The following CTNNA1 variants were observed in gnomAD, a reference collection of about 807,000 sequenced individuals.
CTNNA1 encodes catenin alpha-1.
A neutral mutation model predicts 98.4 loss-of-function variants in CTNNA1; 37 were observed. The ratio of observed to expected loss-of-function variants is 0.38; its 90% confidence interval spans 0.29 to 0.49. The LOEUF is 0.49. CTNNA1 is among the 20% of genes least tolerant of loss of function. The pLI is 0.95. For missense variants in CTNNA1, 761 were observed against 1,147.2 expected, an observed-to-expected ratio of 0.66 and a Z score of 4.86; for synonymous variants, 404 against 413.2, an observed-to-expected ratio of 0.98 and a Z score of 0.27.
At position 138,933,951 on chromosome 5, in the gene CTNNA1, G is replaced by A; in HGVS notation, c.2583G>A (p.Met861Ile). The change falls in exon 18 of 18, where the codon ATG becomes ATA. Residue 861 changes from methionine to isoleucine, a missense_variant. Coordinates refer to ENST00000302763, the MANE Select transcript of CTNNA1 (RefSeq NM_001903.5). ...SLNLPAVSWK[M>I]KAPEKKPLVK... The stretch of plus-strand genomic sequence containing the variant: ...ACCTTCCTGCTGTGTCATGGAAGAT[G>A]AAGGCACCAGAGAAAAAGCCATTGG... The A allele has an allele frequency of 1.2e-6, 2 of 1,614,182 alleles. No individual in the cohort carries two copies. Among genetic ancestry groups the A allele is most frequent in the Non-Finnish European group, 1.7e-6 (2 of 1,180,040 alleles).
chr5:138,905,111 A>AAAATACATACATACATACATAC (rs1554105203), intron 10 of CTNNA1, among the ~76,000 whole-genome samples: 1 of 139,270 alleles, frequency 7.2e-6, no homozygotes, highest in African/African-American at 2.9e-5. Flanking sequence ...AAAAAAAAAA[A>AAAATACATACATACATACATAC]ATACATACAT....
intron 5 of CTNNA1, among the ~76,000 whole-genome samples, chr5:138,814,761 TG>T (rs1319438803): frequency 6.6e-6 from 1 of 151,208 alleles, no homozygotes; most frequent in Admixed American, 6.6e-5. Flanking sequence ...GGTTTTTTTT[TG>T]TTTTTTTTTG....
chr5:138,913,505 A>T (rs1580765145), intron 10 of CTNNA1, among the ~76,000 whole-genome samples: 2 of 151,422 alleles, frequency 1.3e-5, no homozygotes, highest in Non-Finnish European at 2.9e-5. Context: ...AATCACTTGA[A>T]CCCGGGAGGC....
intron 3 of CTNNA1, among the ~76,000 whole-genome samples, chr5:138,796,041 T>C (rs1392700120): frequency 6.6e-6 from 1 of 152,226 alleles, no homozygotes; most frequent in African/African-American, 2.4e-5. Context: ...TTCTGTAATA[T>C]TAAGTATTCT....
chr5:138,777,724 G>A (rs571271262), intron 1 of CTNNA1, among the ~76,000 whole-genome samples: 9 of 151,308 alleles, frequency 5.9e-5, no homozygotes, highest in South Asian at 4.2e-4. Flanking sequence ...CAGGCATGGC[G>A]GTGCGCGCCT....
intron 11 of CTNNA1, among the ~76,000 whole-genome samples, chr5:138,923,719 T>G (rs763271162): frequency 1.3e-5 from 2 of 152,206 alleles, no homozygotes; most frequent in Non-Finnish European, 2.9e-5. Context: ...TCTTGGAGAT[T>G]TTGGTTGCTT....
intron 5 of CTNNA1, among the ~76,000 whole-genome samples, chr5:138,814,968 A>G (rs4835702): frequency 0.69 from 105,368 of 151,944 alleles, 36,651 homozygotes; most frequent in East Asian, 0.93. Flanking sequence ...TGGCCAGGCT[A>G]CTCTTGAACT....
At chr5:138,901,668 A>G (rs1758070630) in intron 9 of CTNNA1, among the ~76,000 whole-genome samples, 1 of 152,130 alleles carries the variant, frequency 6.6e-6, no homozygotes, top group South Asian at 2.1e-4. Flanking sequence ...GCCTCAAGTG[A>G]TCCTCTTGCC....
intron 7 of CTNNA1, among the ~76,000 whole-genome samples, chr5:138,854,091 T>C (rs1007925948): frequency 4.6e-5 from 7 of 152,258 alleles, no homozygotes; most frequent in South Asian, 2.1e-4. Context: ...ACAATTATCA[T>C]TGATATTACA....
chr5:138,776,678 C>A (rs1419107493), intron 1 of CTNNA1, among the ~76,000 whole-genome samples: 2 of 146,736 alleles, frequency 1.4e-5, no homozygotes, highest in African/African-American at 5.1e-5. Context: ...GGGGGGCTGA[C>A]CCCCCCACCT....
At chr5:138,900,222 G>A (rs1010441439) in intron 9 of CTNNA1, among the ~76,000 whole-genome samples, 6 of 152,088 alleles carry the variant, frequency 3.9e-5, no homozygotes, top group African/African-American at 7.2e-5. Context: ...AAGAAAACTC[G>A]GGTGCTAGCT....
chr5:138,808,438 A>G (rs1424835396), intron 3 of CTNNA1, among the ~76,000 whole-genome samples: 1 of 152,190 alleles, frequency 6.6e-6, no homozygotes, highest in Non-Finnish European at 1.5e-5. Context: ...ATCTTCCTGA[A>G]GATGTAAGAG....
chr5:138,829,790 G>A (rs372971072), intron 7 of CTNNA1, among the ~76,000 whole-genome samples: 7 of 152,150 alleles, frequency 4.6e-5, no homozygotes, highest in South Asian at 2.1e-4. Flanking sequence ...GGTGGCTCAC[G>A]CCTGTAATCC....
At chr5:138,827,403 AG>A in intron 6 of CTNNA1, 111 bp from the exon 7 acceptor site, 1 of 1,212,982 alleles carries the variant, frequency 8.2e-7, no homozygotes. Flanking sequence ...ACTTTCTTTC[AG>A]ATGTTGGAAT....
chr5:138,885,331 G>A (rs1446378702), intron 7 of CTNNA1, among the ~76,000 whole-genome samples: 6 of 152,080 alleles, frequency 3.9e-5, no homozygotes, highest in Admixed American at 3.9e-4. Context: ...CCTATTATTT[G>A]CTGACATGTT....
At chr5:138,880,333 T>C (rs1752614452) in intron 7 of CTNNA1, 1 of 152,154 alleles carries the variant, frequency 6.6e-6, no homozygotes. Flanking sequence ...AGACGGGGTT[T>C]CATCATGTTG....
chr5:138,918,130 T>A (rs1762192797), intron 11 of CTNNA1, among the ~76,000 whole-genome samples: 1 of 152,224 alleles, frequency 6.6e-6, no homozygotes, highest in Admixed American at 6.5e-5. Context: ...TTGATAGGGC[T>A]GGTCTGAATC....
chr5:138,789,695 AT>A (rs1327683972), intron 3 of CTNNA1, among the ~76,000 whole-genome samples: 4 of 152,082 alleles, frequency 2.6e-5, no homozygotes, highest in Admixed American at 1.3e-4. Flanking sequence ...TGACCTCGTG[AT>A]TCACCCACCT....
intron 9 of CTNNA1, among the ~76,000 whole-genome samples, chr5:138,902,500 A>G (rs1312832324): frequency 6.6e-6 from 1 of 152,168 alleles, no homozygotes; most frequent in African/African-American, 2.4e-5. Context: ...GCTCACTGCA[A>G]GCTCCGCCTC....
Sources: allele counts gnomAD v4.1 joint callset (sites outside exome capture counted in the v4.1 genomes callset), GRCh38; gene constraint gnomAD v4.1.1; transcripts MANE v1.5; gene names NCBI Gene and HGNC (gene_info 2026-07-23, HGNC 2026-07-21).